The following NCAPD3 variants were observed in gnomAD, a reference collection of about 807,000 sequenced individuals.
NCAPD3 encodes the protein condensin-2 complex subunit D3.
Under a neutral mutation model 182.9 loss-of-function variants are expected in NCAPD3, and 105 were observed. The ratio of observed to expected loss-of-function variants is 0.57; its 90% CI spans 0.49 to 0.68. The LOEUF is 0.68. Ranked by LOEUF, NCAPD3 falls within the 30% of genes least tolerant of loss-of-function variation. NCAPD3 has a pLI of 0.00. For synonymous variants in NCAPD3, 815 were observed against 679.9 expected, an observed-to-expected ratio of 1.20 and a Z score of -3.09; for missense variants, 1,944 against 1,837.0, an observed-to-expected ratio of 1.06 and a Z score of -1.07.
At position 134,158,402 on chromosome 11, in the gene NCAPD3, T is replaced by C; in HGVS notation, c.3961A>G (p.Ser1321Gly). The part of the protein sequence containing the change: ...AVSQPCTPRA[S>G]AGHVAVSSPT... Reference sequence around the variant, plus strand: ...GATGATACTGCTACATGGCCAGCACTTGCCCTGGGTGTGCAGGGCTGGCTC... The same window carrying C: ...GATGATACTGCTACATGGCCAGCACCTGCCCTGGGTGTGCAGGGCTGGCTC... The change falls in exon 30 of 35, where the codon AGT becomes GGT. Residue 1321 changes from serine (S) to glycine (G), a missense_variant. Physicochemically the swap from Ser to Gly is moderately conservative, Grantham distance 56. Transcript: ENST00000534548. The C allele has an allele frequency of 6.2e-7, 1 of 1,614,224 alleles. No individual in the cohort carries two copies. Among genetic ancestry groups the C allele is most frequent in the Non-Finnish European group, 8.5e-7 (1 of 1,180,038 alleles).
At chr11:134,190,755 C>A (rs1017555099) in intron 16 of NCAPD3, among the ~76,000 whole-genome samples, 1 of 152,170 alleles carries the variant, frequency 6.6e-6, no homozygotes, top group African/African-American at 2.4e-5. Context: ...GGGAATATAG[C>A]CTGGCCTGAA....
At chr11:134,200,236 A>C (rs1020742386) in intron 13 of NCAPD3, among the ~76,000 whole-genome samples, 2 of 152,212 alleles carry the variant, frequency 1.3e-5, no homozygotes, top group Non-Finnish European at 2.9e-5. Flanking sequence ...TAAAAAAAGA[A>C]AAAGATAAAT....
upstream of NCAPD3, chr11:134,225,079 C>T (rs751083767): frequency 2.0e-5 from 30 of 1,538,456 alleles, no homozygotes; most frequent in Non-Finnish European, 2.6e-5. Context: ...CGCCCCGGTG[C>T]GAGGGAGCGG....
chr11:134,164,737 G>A (rs1943710390), intron 27 of NCAPD3, among the ~76,000 whole-genome samples: 1 of 151,652 alleles, frequency 6.6e-6, no homozygotes, highest in African/African-American at 2.4e-5. Context: ...ATGAGTTTAG[G>A]GAGCTTCACA....
At chr11:134,162,248 C>T (rs775029292) in intron 27 of NCAPD3, among the ~76,000 whole-genome samples, 4 of 152,232 alleles carry the variant, frequency 2.6e-5, no homozygotes, top group Non-Finnish European at 1.5e-5. Context: ...CAATTCAACA[C>T]CCTCCCCTTG....
intron 13 of NCAPD3, 36 bp downstream of exon 13, chr11:134,202,780 G>A: frequency 1.4e-6 from 2 of 1,449,210 alleles, no homozygotes; most frequent in Non-Finnish European, 1.9e-6. Context: ...AAATCCAGCA[G>A]TATTACCTAT....
At position 134,220,666 on chromosome 11, in the gene NCAPD3, A is replaced by G. The variant is rs112183153; in HGVS notation, c.125T>C (p.Ile42Thr). The G allele has an allele frequency of 3.1e-3, 5,078 of 1,614,098 alleles. 9 individuals carry two copies. The highest frequency in any genetic ancestry group is 3.3e-3 in the Non-Finnish European group (3,863 of 1,179,952). ...TCCAGTCTCTATGATCTCTGCTTCT[A>G]TGCTGGGATCCAAAGGCTCAGTCTC... is the stretch of plus-strand genomic sequence containing the variant. ...FTETEPLDPS[I>T]EAEIIETGLA... is the part of the protein sequence containing the mutation. The change falls in exon 2 of 35, where the codon ATA (isoleucine) becomes ACA (threonine). Residue 42 changes from isoleucine to threonine, a missense_variant. Ile to Thr is a moderately conservative substitution (Grantham distance 89). Coordinates refer to ENST00000534548, the MANE Select transcript of NCAPD3 (RefSeq NM_015261.3).
chr11:134,192,869 C>G lies in NCAPD3; in HGVS notation c.1865G>C (p.Arg622Pro), dbSNP rs12292394. The change falls in exon 16 of 35, where the codon CGG (arginine) becomes CCG (proline). Residue 622 changes from arginine to proline, a missense_variant. Physicochemically the swap from Arg to Pro is moderately radical, Grantham distance 103 (BLOSUM62 -2). Transcript: ENST00000534548. ...RCVQIQKAWL[R>P]GVVPVVMDCE... ...GTCCATCACCACCGGGACCACCCCC[C>G]GCAACCAGGCTTTCTGGATCTGCAC... The G allele has an allele frequency of 3.0e-5, 49 of 1,613,726 alleles. No homozygotes were observed. In the South Asian group the frequency reaches 4.5e-4, roughly 15 times the overall value.
intron 7 of NCAPD3, among the ~76,000 whole-genome samples, chr11:134,207,076 T>A (rs1273498968): frequency 1.3e-5 from 2 of 152,226 alleles, no homozygotes; most frequent in Non-Finnish European, 2.9e-5. Context: ...GTTCCCTTAT[T>A]CAAAAGGGGA....
intron 13 of NCAPD3, among the ~76,000 whole-genome samples, chr11:134,197,559 G>A (rs898565858): frequency 7.9e-5 from 12 of 152,176 alleles, no homozygotes; most frequent in African/African-American, 2.9e-4. Flanking sequence ...TTACAAGCAT[G>A]AGCCACCACG....
chr11:134,210,368 A>G lies in NCAPD3; in HGVS notation c.469T>C (p.Leu157=), dbSNP rs375358565. Reference sequence around the variant, plus strand: ...TGTTCTTTCTTTCTTTTCCGATTCAAGTTAGATTCCTGGGGCCAGCTCTTC... The same window carrying G: ...TGTTCTTTCTTTCTTTTCCGATTCAGGTTAGATTCCTGGGGCCAGCTCTTC... ...LKKSWPQESN[L]NRKRKKEQPK... is the part of the protein sequence containing the mutation. The change falls in exon 4 of 35, where the codon TTG becomes CTG. Residue 157 remains leucine (L), a synonymous_variant. Coordinates refer to ENST00000534548, the MANE Select transcript of NCAPD3 (RefSeq NM_015261.3). The G allele has an allele frequency of 5.0e-6, 8 of 1,613,988 alleles. No homozygotes were observed. The highest frequency in any genetic ancestry group is 6.8e-6 in the Non-Finnish European group (8 of 1,180,010).
Position 134,194,105 on chromosome 11 carries a change from C to T in NCAPD3, c.1735G>A (p.Glu579Lys), listed in dbSNP as rs1387038170. The change falls in exon 15 of 35, where the codon GAA (glutamate) becomes AAA (lysine). Residue 579 changes from glutamate to lysine, a missense_variant. Physicochemically the swap from Glu to Lys is moderately conservative, Grantham distance 56. This residue lies in a region of NCAPD3 where 1,803 missense variants were observed against 1,674.6 expected (regional missense o/e 1.08). Coordinates refer to ENST00000534548, the MANE Select transcript of NCAPD3 (RefSeq NM_015261.3). ...TGGTCCTGCAGAATCCACAGGTCTT[C>T]CTTCATGCCTGAGACATCACAGTGT... Reference protein sequence around the residue: ...LKHCDVSGMKEDLWILQDQCR... With the variant: ...LKHCDVSGMKKDLWILQDQCR... 1.2e-6 allele frequency: 2 copies of T among 1,614,186 alleles called. No individual in the cohort carries two copies. Among genetic ancestry groups the T allele is most frequent in the South Asian group, 2.2e-5 (2 of 91,082 alleles).
At chr11:134,164,564 TA>T (rs1943701106) in intron 27 of NCAPD3, among the ~76,000 whole-genome samples, 1 of 151,992 alleles carries the variant, frequency 6.6e-6, no homozygotes, top group Non-Finnish European at 1.5e-5. Context: ...GAAATGAGCT[TA>T]GGGGAGCTGC....
chr11:134,191,975 G>A (rs748249945), intron 16 of NCAPD3, among the ~76,000 whole-genome samples: 11 of 152,212 alleles, frequency 7.2e-5, no homozygotes, highest in Non-Finnish European at 1.5e-4. Context: ...TTTTCCACTT[G>A]TGGCATCATG....
Position 134,218,178 on chromosome 11 carries a change from A to T in NCAPD3, c.220-1080T>A, listed in dbSNP as rs568664590. Among the ~76,000 whole-genome samples the T allele has an allele frequency of 2.1e-4, 30 of 141,422 alleles. No homozygotes were observed. The East Asian group carries it at 3.7e-3, about 17-fold the overall frequency. 92.8% of individuals were successfully genotyped at this position (141,422 alleles called of 152,430 possible). ...CATCCTCATTCCTAATGCCACCTGC[A>T]CCTCCACTTCACACACGAGGGTGAT... On this transcript the variant is annotated intron_variant, in intron 2 of 34. Transcript: ENST00000534548.
intron 4 of NCAPD3, 59 bp from the exon 5 acceptor site, chr11:134,209,536 G>C: frequency 1.3e-6 from 2 of 1,512,352 alleles, no homozygotes; most frequent in Non-Finnish European, 1.8e-6. Context: ...TTGTCCCATG[G>C]TTTTCAATTT....
chr11:134,150,626 G>A lies in NCAPD3; in HGVS notation c.*2318C>T, dbSNP rs1943190973. On this transcript the variant is annotated 3_prime_UTR_variant, in exon 35 of 35. Coordinates refer to ENST00000534548, the MANE Select transcript of NCAPD3 (RefSeq NM_015261.3). ...TTGGTTATGGATGGCTCACAAAATAGGGCCCCCAATGCTATTTTTTTTTTT... is the reference window on the plus strand; with the variant it reads ...TTGGTTATGGATGGCTCACAAAATAAGGCCCCCAATGCTATTTTTTTTTTT... 4 of 151,768 alleles carry A rather than the reference G, an allele frequency of 2.6e-5. No individual in the cohort carries two copies. The highest frequency in any genetic ancestry group is 4.2e-4 in the South Asian group (2 of 4,812). 9.4% of individuals were successfully genotyped at this position (151,768 alleles called of 1,614,324 possible).
At chr11:134,188,335 A>G (rs1217049411) in intron 16 of NCAPD3, among the ~76,000 whole-genome samples, 1 of 152,230 alleles carries the variant, frequency 6.6e-6, no homozygotes. Flanking sequence ...TGCACCAATC[A>G]GCACTCTGTA....
intron 12 of NCAPD3, 53 bp downstream of exon 12, chr11:134,203,089 A>C: frequency 1.4e-6 from 2 of 1,397,628 alleles, no homozygotes; most frequent in South Asian, 2.5e-5. Context: ...TAAATATTCC[A>C]CAAATTTTTA....
Sources: gnomAD v4.1 joint callset for allele counts (sites outside exome capture counted in the v4.1 genomes callset) on GRCh38, gnomAD v4.1.1 for gene constraint, gnomAD v4.1.1 regional missense constraint, MANE v1.5 for transcripts, NCBI Gene and HGNC (gene_info 2026-07-23, HGNC 2026-07-21) for gene names.